Variants in PARN observed in about 807,000 individuals in gnomAD.
PARN encodes the protein poly(A)-specific ribonuclease PARN.
In PARN, 71 loss-of-function variants were observed where a neutral mutation model predicts 102.8. The ratio of observed to expected loss-of-function variants is 0.69; its 90% CI spans 0.57 to 0.84. The LOEUF is 0.84. PARN is among the 40% of genes least tolerant of loss of function. The pLI is 0.00. For missense variants in PARN, 782 were observed against 760.9 expected (o/e 1.03, Z -0.33); for synonymous variants, 261 against 252.9 (o/e 1.03, Z -0.30).
chr16:14,618,791 T>C (rs1972099368), intron 5 of PARN, among the ~76,000 whole-genome samples: 1 of 152,188 alleles, frequency 6.6e-6, no homozygotes, highest in African/African-American at 2.4e-5. Flanking sequence ...TATTACCCTG[T>C]CCCAGGTTCA....
chr16:14,443,929 T>C (rs1961073626), intron 23 of PARN, among the ~76,000 whole-genome samples: 1 of 152,150 alleles, frequency 6.6e-6, no homozygotes, highest in Non-Finnish European at 1.5e-5. Context: ...TGTCGCGCCG[T>C]GCCTAGCACT....
intron 6 of PARN, among the ~76,000 whole-genome samples, chr16:14,611,699 C>A (rs1168941973): frequency 6.6e-6 from 1 of 152,150 alleles, no homozygotes; most frequent in Non-Finnish European, 1.5e-5. Flanking sequence ...CACCATCACA[C>A]CAGGCTAATT....
chr16:14,610,837 T>C (rs905070625), intron 6 of PARN, 28 bp from the exon 7 acceptor site: 11 of 1,452,622 alleles, frequency 7.6e-6, no homozygotes, highest in South Asian at 1.1e-5. Context: ...AAGAATGCAT[T>C]AGCAGAAGTA....
At position 14,580,878 on chromosome 16, in the gene PARN, TA is replaced by T. The variant is rs942538351; in HGVS notation, c.1257del (p.Phe419LeufsTer7). On this transcript the variant is annotated frameshift_variant, in exon 18 of 24. Transcript: ENST00000437198. LOFTEE classifies it high-confidence loss of function. The stretch of plus-strand genomic sequence containing the variant: ...TGGAACTCTCTGATTACTTACTTGT[TA>T]AAAAAAGGTTCAATGAGTTTTGATC... ...SARSKLIEPF[F>X]NKLFLMRVMD... 1.3e-5 allele frequency: 20 copies of T among 1,594,652 alleles called. No individual in the cohort carries two copies. The highest frequency in any genetic ancestry group is 1.6e-5 in the Non-Finnish European group (19 of 1,162,820).
intron 21 of PARN, among the ~76,000 whole-genome samples, chr16:14,540,808 G>A (rs1192462388): frequency 6.6e-6 from 1 of 151,904 alleles, no homozygotes; most frequent in African/African-American, 2.4e-5. Flanking sequence ...AAAATTAGCT[G>A]GGCATGGTGG....
chr16:14,547,200 C>T (rs1217135076), intron 21 of PARN, among the ~76,000 whole-genome samples: 1 of 152,006 alleles, frequency 6.6e-6, no homozygotes, highest in African/African-American at 2.4e-5. Flanking sequence ...CCACACTGGC[C>T]ATGTACTGCT....
intron 22 of PARN, among the ~76,000 whole-genome samples, chr16:14,465,360 G>A (rs2151577749): frequency 6.6e-6 from 1 of 152,310 alleles, no homozygotes; most frequent in East Asian, 1.9e-4. Flanking sequence ...TGGGATTACA[G>A]GCGTGAGCCA....
At chr16:14,589,006 T>C (rs1429406027) in intron 13 of PARN, among the ~76,000 whole-genome samples, 2 of 151,676 alleles carry the variant, frequency 1.3e-5, no homozygotes, top group East Asian at 1.9e-4. Flanking sequence ...ATGGTGAAAC[T>C]CCGTCTCTAC....
intron 19 of PARN, among the ~76,000 whole-genome samples, chr16:14,555,369 T>C (rs992598023): frequency 1.3e-5 from 2 of 152,158 alleles, no homozygotes; most frequent in Non-Finnish European, 2.9e-5. Context: ...TTATAAATAC[T>C]TATAGAAAAT....
intron 18 of PARN, among the ~76,000 whole-genome samples, chr16:14,561,157 C>CAAAAAAAAAA (rs749716960): frequency 1.7e-5 from 1 of 57,186 alleles, no homozygotes; most frequent in Non-Finnish European, 3.6e-5. Context: ...AACTCCGTCT[C>CAAAAAAAAAA]AAAAAAAAAA....
intron 21 of PARN, among the ~76,000 whole-genome samples, chr16:14,540,228 T>C (rs1966788306): frequency 6.6e-6 from 1 of 152,228 alleles, no homozygotes; most frequent in African/African-American, 2.4e-5. Flanking sequence ...CTCATTTATC[T>C]ATTGCCACAT....
chr16:14,618,620 C>T (rs908924727), intron 5 of PARN, among the ~76,000 whole-genome samples: 40 of 149,800 alleles, frequency 2.7e-4, no homozygotes, highest in African/African-American at 9.1e-4. Context: ...GAGAGAGCCA[C>T]TGCACTCCAG....
intron 18 of PARN, among the ~76,000 whole-genome samples, chr16:14,579,628 G>C (rs16963803): frequency 0.043 from 6,543 of 151,916 alleles, 157 homozygotes; most frequent in African/African-American, 0.051. Context: ...AAATACTGCA[G>C]AACAATGAAT....
intron 22 of PARN, among the ~76,000 whole-genome samples, chr16:14,456,754 A>G (rs961210200): frequency 2.0e-5 from 3 of 152,114 alleles, no homozygotes; most frequent in Non-Finnish European, 4.4e-5. Flanking sequence ...ACTGCTTTAT[A>G]AACTCCCATC....
At chr16:14,615,682 CTT>C (rs1971848790) in intron 6 of PARN, among the ~76,000 whole-genome samples, 1 of 152,072 alleles carries the variant, frequency 6.6e-6, no homozygotes, top group Non-Finnish European at 1.5e-5. Flanking sequence ...AAGTGAATCA[CTT>C]GAGGTCAGGA....
At position 14,593,324 on chromosome 16, in the gene PARN, G is replaced by C; in HGVS notation, c.895C>G (p.Gln299Glu). The C allele has an allele frequency of 5.0e-6, 8 of 1,601,018 alleles. No homozygotes were observed. The highest frequency in any genetic ancestry group is 6.0e-6 in the Non-Finnish European group (7 of 1,168,174). Residue 299 changes from glutamine to glutamate, a missense_variant, in exon 13 of 24, where the codon CAG (glutamine) becomes GAG (glutamate). Gln to Glu is a conservative substitution (Grantham distance 29). Transcript: ENST00000437198. ...MLLDVMHTVH[Q>E]FYCPLPADLS... ...ACCGCAGGCAGAGGGCAGTAGAACT[G>C]ATGAACTGTGTGCATGACGTCCAAG...
intron 21 of PARN, among the ~76,000 whole-genome samples, chr16:14,510,166 A>G (rs1486007234): frequency 6.6e-6 from 1 of 152,244 alleles, no homozygotes; most frequent in African/African-American, 2.4e-5. Context: ...CTCAAAGGAA[A>G]GAACAGCAAA....
At chr16:14,438,965 A>G in intron 23 of PARN, among the ~76,000 whole-genome samples, 1 of 152,200 alleles carries the variant, frequency 6.6e-6, no homozygotes, top group East Asian at 1.9e-4. Flanking sequence ...AAACTGGCAG[A>G]TAAGAAGGTA....
intron 12 of PARN, among the ~76,000 whole-genome samples, chr16:14,597,165 A>C (rs1467620578): frequency 6.6e-6 from 1 of 152,202 alleles, no homozygotes; most frequent in Non-Finnish European, 1.5e-5. Context: ...TTAGAATACC[A>C]CAGTAATAAC....
Sources: gnomAD v4.1 joint callset for allele counts (sites outside exome capture counted in the v4.1 genomes callset) on GRCh38, gnomAD v4.1.1 for gene constraint, MANE v1.5 for transcripts, NCBI Gene and HGNC (gene_info 2026-07-23, HGNC 2026-07-21) for gene names.